Variants in UTP20 observed in about 807,000 individuals in gnomAD.
UTP20 encodes UTP20 small subunit processome component, also known as small subunit processome component 20 homolog.
In UTP20, 164 loss-of-function variants were observed where a neutral mutation model predicts 329.5. That is an observed-to-expected ratio of 0.50 (90% CI 0.44 to 0.57). The LOEUF is 0.57. Ranked by LOEUF, UTP20 falls within the 20% of genes least tolerant of loss-of-function variation. The pLI is 0.00. For missense variants in UTP20, 3,055 were observed against 3,284.2 expected, an observed-to-expected ratio of 0.93 and a Z score of 1.71; for synonymous variants, 1,151 against 1,159.3, an observed-to-expected ratio of 0.99 and a Z score of 0.14.
In UTP20 at chr12:101,312,037, GAA is replaced by G; in HGVS notation, c.2314_2315del (p.Lys772GlyfsTer5). ...HLEKAATHAE[K>X]ELQNDMTDEK... The stretch of plus-strand genomic sequence containing the variant: ...TTATGACAACTTTCTTTCTTGCAGA[GAA>G]GGAACTACAGAATGATATGACAGAT... On this transcript the variant is annotated frameshift_variant and splice_region_variant, in exon 21 of 62. Transcript: ENST00000261637. LOFTEE classifies it high-confidence loss of function. The G allele has an allele frequency of 6.2e-7, 1 of 1,614,180 alleles. No individual in the cohort carries two copies. Among genetic ancestry groups the G allele is most frequent in the Non-Finnish European group, 8.5e-7 (1 of 1,180,004 alleles).
chr12:101,338,995 A>G (rs369463039), intron 31 of UTP20, 38 bp downstream of exon 31: 23 of 1,541,226 alleles, frequency 1.5e-5, no homozygotes, highest in Admixed American at 4.5e-5. Flanking sequence ...TAACATTACC[A>G]TCCTTGGTTT....
rs540789896 is a variant in UTP20, at chr12:101,290,602, A to G, written c.736-131A>G. ...CTTTTGGGACACGTTATTAACCATC[A>G]AAGTTGCCATATCCTTGACTATTCC... On this transcript the variant is annotated intron_variant, in intron 7 of 61. Coordinates refer to ENST00000261637, the MANE Select transcript of UTP20 (RefSeq NM_014503.3). 20 of 1,003,444 alleles carry G rather than the reference A, an allele frequency of 2.0e-5. 1 individual carries two copies. The South Asian group carries it at 4.1e-4, about 21-fold the overall frequency. 62.2% of individuals were successfully genotyped at this position (1,003,444 alleles called of 1,614,324 possible). A position where few individuals can be genotyped will look rare whatever the true frequency, so the allele number is the denominator to read the frequency against.
At position 101,371,106 on chromosome 12, in the gene UTP20, C is replaced by T. The variant is rs753392000; in HGVS notation, c.6736C>T (p.Arg2246Trp). ...LLVPEIDEVM[R>W]KVSKLAVSAQ... ...GGTCCCAGAAATCGATGAGGTCATG[C>T]GGAAAGTATCCAAGTTGGCAGTCTC... The change falls in exon 51 of 62, where the codon CGG becomes TGG. Residue 2246 changes from arginine (R) to tryptophan (W), a missense_variant. Physicochemically the swap from Arg to Trp is moderately radical, Grantham distance 101 (BLOSUM62 -3). Around this residue, in one of 3 missense-constraint regions of UTP20, gnomAD observed 273 missense variants for 363.1 expected, o/e 0.75. Transcript: ENST00000261637. The T allele has an allele frequency of 6.2e-6, 10 of 1,614,034 alleles. No homozygotes were observed. Among genetic ancestry groups the T allele is most frequent in the Admixed American group, 1.7e-5 (1 of 60,004 alleles).
chr12:101,334,607 C>A, intron 29 of UTP20, 103 bp downstream of exon 29: 1 of 884,392 alleles, frequency 1.1e-6, no homozygotes, highest in South Asian at 1.7e-5. Context: ...TCTTTCCATA[C>A]AGTGAACTAC....
intron 35 of UTP20, among the ~76,000 whole-genome samples, chr12:101,343,301 A>G (rs1869210163): frequency 6.6e-6 from 1 of 152,198 alleles, no homozygotes; most frequent in African/African-American, 2.4e-5. Context: ...AATAATACAT[A>G]TGAAAGCATT....
intron 21 of UTP20, among the ~76,000 whole-genome samples, chr12:101,313,980 G>T (rs978451697): frequency 1.3e-5 from 2 of 152,186 alleles, no homozygotes; most frequent in African/African-American, 2.4e-5. Flanking sequence ...CAAGGGAAAG[G>T]TTTGATCTGG....
chr12:101,292,224 G>C lies in UTP20; in HGVS notation c.1173+120G>C, dbSNP rs372955141. The stretch of plus-strand genomic sequence containing the variant: ...CTGCCCTCAAGGAATTTATAATCTT[G>C]TTAAGGAAATGGGAATTGCATGCAG... On this transcript the variant is annotated intron_variant, in intron 10 of 61. Coordinates refer to ENST00000261637, the MANE Select transcript of UTP20 (RefSeq NM_014503.3). 3 of 1,171,418 alleles carry C rather than the reference G, an allele frequency of 2.6e-6. No homozygotes were observed. The Admixed American group carries it at 9.3e-5, about 36-fold the overall frequency. 72.6% of individuals were successfully genotyped at this position (1,171,418 alleles called of 1,614,324 possible).
chr12:101,288,128 G>C (rs1198868176), intron 5 of UTP20, among the ~76,000 whole-genome samples: 1 of 152,190 alleles, frequency 6.6e-6, no homozygotes, highest in East Asian at 1.9e-4. Context: ...CTTTCTGACT[G>C]AATTAGCAGA....
At chr12:101,317,152 C>T (rs912724073) in intron 21 of UTP20, among the ~76,000 whole-genome samples, 15 of 152,158 alleles carry the variant, frequency 9.9e-5, no homozygotes, top group Admixed American at 2.0e-4. Context: ...TAATATCATC[C>T]ATCCCTAACC....
At chr12:101,301,654 C>G (rs183574407) in intron 14 of UTP20, among the ~76,000 whole-genome samples, 12 of 152,182 alleles carry the variant, frequency 7.9e-5, no homozygotes, top group Non-Finnish European at 1.3e-4. Context: ...AGCGATGGAG[C>G]AAGATTCTGT....
intron 20 of UTP20, 72 bp from the exon 21 acceptor site, chr12:101,311,964 C>G (rs991186716): frequency 5.6e-5 from 89 of 1,595,504 alleles, no homozygotes; most frequent in Middle Eastern, 1.7e-4. Context: ...AAAGAAATGC[C>G]CTCTCTTGAG....
rs1238446143 is a variant in UTP20 at position 101,383,629 on chromosome 12, T to G, written c.8016T>G (p.Ala2672=). The change falls in exon 60 of 62, where the codon GCT becomes GCG. Residue 2672 remains alanine, a synonymous_variant. Coordinates refer to ENST00000261637, the MANE Select transcript of UTP20 (RefSeq NM_014503.3). The part of the protein sequence containing the change: ...KVKPYLPMII[A]PLFRELNSTY... Reference sequence around the variant, plus strand: ...AGCCGTATCTCCCAATGATCATAGCTCCTTTGTTTCGGGAACTCAACAGCA... The same window carrying G: ...AGCCGTATCTCCCAATGATCATAGCGCCTTTGTTTCGGGAACTCAACAGCA... 1 of 1,613,752 alleles carries G rather than the reference T, an allele frequency of 6.2e-7. No homozygotes were observed. The highest frequency in any genetic ancestry group is 1.7e-5 in the Admixed American group (1 of 59,944).
At chr12:101,369,588 C>T (rs1014922506) in intron 48 of UTP20, 133 bp from the exon 49 acceptor site, 3 of 569,680 alleles carry the variant, frequency 5.3e-6, no homozygotes, top group Non-Finnish European at 9.5e-6. Flanking sequence ...GGGCACAGTT[C>T]TTCCAGAGTG....
At chr12:101,310,810 CT>C (rs1872768553) in intron 19 of UTP20, among the ~76,000 whole-genome samples, 1 of 152,026 alleles carries the variant, frequency 6.6e-6, no homozygotes, top group African/African-American at 2.4e-5. Context: ...ATTTGTCTAC[CT>C]TTACTACCCT....
intron 11 of UTP20, among the ~76,000 whole-genome samples, chr12:101,293,958 A>G (rs993426191): frequency 1.3e-5 from 2 of 152,144 alleles, no homozygotes; most frequent in Non-Finnish European, 2.9e-5. Flanking sequence ...ACCAGGTTAA[A>G]TGGCAGTCAT....
At chr12:101,378,051 A>G (rs575404933) in intron 56 of UTP20, among the ~76,000 whole-genome samples, 3 of 152,022 alleles carry the variant, frequency 2.0e-5, no homozygotes, top group Non-Finnish European at 4.4e-5. Context: ...GTGAAACCCC[A>G]TCTCTATAAA....
At chr12:101,382,983 CCTTA>C in intron 58 of UTP20, 54 bp from the exon 59 acceptor site, 1 of 1,544,134 alleles carries the variant, frequency 6.5e-7, no homozygotes, top group Non-Finnish European at 8.7e-7. Context: ...CTCTACTAAG[CCTTA>C]TTTATTTCAA....
chr12:101,358,716 C>T (rs1486815723), intron 43 of UTP20, among the ~76,000 whole-genome samples: 2 of 152,118 alleles, frequency 1.3e-5, no homozygotes, highest in Non-Finnish European at 2.9e-5. Flanking sequence ...CTATTTCCTT[C>T]TAGCCTTTGT....
chr12:101,288,975 C>A lies in UTP20; in HGVS notation c.531C>A (p.Leu177=). The change falls in exon 6 of 62, where the codon CTC becomes CTA. Residue 177 remains leucine, a synonymous_variant. Transcript: ENST00000261637. Reference sequence around the variant, plus strand: ...TCATGTATAGCATGTACAGCACACTCCTGGCTCATAAAAAACTACATATAA... The same window carrying A: ...TCATGTATAGCATGTACAGCACACTACTGGCTCATAAAAAACTACATATAA... ...MSSIYSMYST[L]LAHKKLHIRN... The A allele has an allele frequency of 6.2e-7, 1 of 1,613,830 alleles. No individual in the cohort carries two copies. The highest frequency in any genetic ancestry group is 8.5e-7 in the Non-Finnish European group (1 of 1,179,860).
Sources: allele counts gnomAD v4.1 joint callset (sites outside exome capture counted in the v4.1 genomes callset), GRCh38; gene constraint gnomAD v4.1.1; regional missense constraint gnomAD v4.1.1; transcripts MANE v1.5; gene names NCBI Gene and HGNC (gene_info 2026-07-23, HGNC 2026-07-21).